Variants in RBFOX1 observed in about 807,000 individuals in gnomAD.
The protein encoded by RBFOX1 is RNA binding fox-1 homolog 1, also known as RNA binding protein fox-1 homolog 1.
In RBFOX1, 8 loss-of-function variants were observed where a neutral mutation model predicts 57.7. The ratio of observed to expected loss-of-function variants is 0.14; its 90% CI spans 0.08 to 0.25. The LOEUF is 0.25. Among genes scored for constraint, RBFOX1 ranks in the 10% least tolerant of loss-of-function variants. The pLI is 1.00. For synonymous variants in RBFOX1, 326 were observed against 222.4 expected, an observed-to-expected ratio of 1.47 and a Z score of -4.15; for missense variants, 611 against 548.5, an observed-to-expected ratio of 1.11 and a Z score of -1.14.
intron 2 of RBFOX1, among the ~76,000 whole-genome samples, chr16:5,480,960 A>G (rs976456550): frequency 5.9e-5 from 9 of 152,238 alleles, no homozygotes; most frequent in South Asian, 2.1e-4. Context: ...TGGAGGTGGA[A>G]TGCTCCGTCT....
chr16:6,495,002 A>G (rs1022147818), intron 2 of RBFOX1, among the ~76,000 whole-genome samples: 21 of 152,178 alleles, frequency 1.4e-4, no homozygotes, highest in African/African-American at 4.1e-4. Flanking sequence ...CCAAGCACAA[A>G]ATGGTTAAGT....
intron 1 of RBFOX1, among the ~76,000 whole-genome samples, chr16:6,266,559 C>G (rs983100068): frequency 1.3e-4 from 19 of 151,852 alleles, no homozygotes; most frequent in African/African-American, 4.6e-4. Flanking sequence ...ACTAAAGATA[C>G]AAAAATCAGT....
rs374398953 is a variant in RBFOX1 at position 7,544,225 on chromosome 16, T to C, written c.270+25836T>C. ...GGAGGTGAAAGTTACTTGATGGTGA[T>C]GTCTTTAGGGAAATTATGACAAAGG... On this transcript the variant is annotated intron_variant, in intron 5 of 15. Transcript: ENST00000550418. Among the ~76,000 whole-genome samples the C allele has an allele frequency of 2.0e-5, 3 of 152,214 alleles. No individual in the cohort carries two copies. The East Asian group carries it at 5.8e-4, about 29-fold the overall frequency.
At chr16:5,817,775 G>T (rs905397649) in intron 3 of RBFOX1, among the ~76,000 whole-genome samples, 3 of 150,858 alleles carry the variant, frequency 2.0e-5, no homozygotes, top group Non-Finnish European at 4.4e-5. Flanking sequence ...GCTCACTGCA[G>T]CTCCGACTCC....
At chr16:5,763,596 T>C (rs545698690) in intron 3 of RBFOX1, among the ~76,000 whole-genome samples, 48 of 152,374 alleles carry the variant, frequency 3.2e-4, no homozygotes, top group South Asian at 1.7e-3. Context: ...TTTTAAAAAT[T>C]GCTGCCAAGG....
chr16:5,526,496 C>T (rs557968136), intron 2 of RBFOX1, among the ~76,000 whole-genome samples: 23 of 152,254 alleles, frequency 1.5e-4, no homozygotes, highest in African/African-American at 5.5e-4. Context: ...ACCATGTTGA[C>T]CAGGCTGGTC....
At chr16:6,600,490 C>G (rs550388560) in intron 2 of RBFOX1, among the ~76,000 whole-genome samples, 2 of 152,288 alleles carry the variant, frequency 1.3e-5, no homozygotes, top group South Asian at 4.2e-4. Context: ...AGCAGAGTCT[C>G]CAAACCCTTT....
chr16:5,518,077 C>T (rs1056270774), intron 2 of RBFOX1, among the ~76,000 whole-genome samples: 4 of 152,020 alleles, frequency 2.6e-5, no homozygotes, highest in Non-Finnish European at 5.9e-5. Flanking sequence ...ATAAAACAAC[C>T]TATAAATGCC....
chr16:7,027,411 A>T (rs1427408839), intron 3 of RBFOX1, among the ~76,000 whole-genome samples: 1 of 152,158 alleles, frequency 6.6e-6, no homozygotes, highest in African/African-American at 2.4e-5. Flanking sequence ...TGTAAGTTAG[A>T]CACCCTTAAC....
At chr16:7,387,803 G>A (rs962942812) in intron 4 of RBFOX1, among the ~76,000 whole-genome samples, 5 of 152,140 alleles carry the variant, frequency 3.3e-5, no homozygotes, top group African/African-American at 1.2e-4. Context: ...AGAAAGCTCC[G>A]TACGTGTAGG....
At chr16:7,680,844 C>G (rs1042761673) in intron 14 of RBFOX1, among the ~76,000 whole-genome samples, 1 of 152,026 alleles carries the variant, frequency 6.6e-6, no homozygotes, top group African/African-American at 2.4e-5. Context: ...TTACGTAGCT[C>G]AACTTAATAG....
At chr16:5,881,338 T>A (rs748259258) in intron 4 of RBFOX1, among the ~76,000 whole-genome samples, 3 of 152,194 alleles carry the variant, frequency 2.0e-5, no homozygotes, top group African/African-American at 7.2e-5. Flanking sequence ...CAGTGCCTGG[T>A]TTTAACCTGT....
At chr16:6,603,107 C>T (rs1314440479) in intron 2 of RBFOX1, among the ~76,000 whole-genome samples, 1 of 152,208 alleles carries the variant, frequency 6.6e-6, no homozygotes, top group African/African-American at 2.4e-5. Flanking sequence ...AACTAATCAT[C>T]ACCGTTGTGG....
intron 1 of RBFOX1, among the ~76,000 whole-genome samples, chr16:6,105,538 A>G (rs371423330): frequency 3.3e-5 from 5 of 152,182 alleles, no homozygotes; most frequent in Non-Finnish European, 7.3e-5. Context: ...CCAAAAATTA[A>G]CCTGTTTTAG....
chr16:6,013,604 C>T (rs1042546406), intron 4 of RBFOX1, among the ~76,000 whole-genome samples: 3 of 152,142 alleles, frequency 2.0e-5, no homozygotes, highest in African/African-American at 7.2e-5. Flanking sequence ...AGTTTTGAGT[C>T]CCACTCTAAC....
rs553466344 is a variant in RBFOX1, at chr16:5,959,416, A to C, written c.351+92081A>C. 5.9e-5 allele frequency among the ~76,000 whole-genome samples: 9 copies of C among 152,344 alleles called. No homozygotes were observed. In the South Asian group the frequency reaches 1.9e-3, roughly 32 times the overall value. On this transcript the variant is annotated intron_variant, in intron 4 of 19. Transcript: ENST00000641259. ...TTTAAATTGGGTGAATGCAGATTCT[A>C]CACACGTCATTCCATTGACCTAGCA... is the stretch of plus-strand genomic sequence containing the variant.
intron 2 of RBFOX1, among the ~76,000 whole-genome samples, chr16:5,548,172 A>ATATATATAT (rs1442260697): frequency 1.7e-3 from 47 of 28,224 alleles, no homozygotes; most frequent in East Asian, 4.0e-3. Flanking sequence ...AAAAAAAAAA[A>ATATATATAT]AAATATATAT....
At chr16:6,720,826 G>A (rs548293232) in intron 3 of RBFOX1, among the ~76,000 whole-genome samples, 3 of 152,316 alleles carry the variant, frequency 2.0e-5, no homozygotes, top group African/African-American at 7.2e-5. Flanking sequence ...TGTTGCTGAA[G>A]TGTATCCCAC....
intron 3 of RBFOX1, among the ~76,000 whole-genome samples, chr16:6,857,036 A>G (rs1257456244): frequency 2.0e-5 from 3 of 152,156 alleles, no homozygotes; most frequent in African/African-American, 4.8e-5. Flanking sequence ...CTTACTGCAA[A>G]TCGTGTTCAA....
Sources: gnomAD v4.1 joint callset for allele counts (sites outside exome capture counted in the v4.1 genomes callset) on GRCh38, gnomAD v4.1.1 for gene constraint, MANE v1.5 for transcripts, NCBI Gene and HGNC (gene_info 2026-07-23, HGNC 2026-07-21) for gene names.